Variants in MCF2L2 observed in about 807,000 individuals in gnomAD.
The protein encoded by MCF2L2 is probable guanine nucleotide exchange factor MCF2L2.
In MCF2L2, 102 loss-of-function variants were observed where a neutral mutation model predicts 150.2. The ratio of observed to expected loss-of-function variants is 0.68; its 90% CI spans 0.58 to 0.80. MCF2L2 has a LOEUF of 0.80. MCF2L2 is among the 30% of genes least tolerant of loss of function. MCF2L2 has a pLI of 0.00. For synonymous variants in MCF2L2, 465 were observed against 491.3 expected (o/e 0.95, Z 0.71); for missense variants, 1,256 against 1,372.8 (o/e 0.91, Z 1.34).
At chr3:183,382,757 A>T (rs747874100) in intron 2 of MCF2L2, among the ~76,000 whole-genome samples, 15 of 152,242 alleles carry the variant, frequency 9.9e-5, no homozygotes, top group Non-Finnish European at 2.2e-4. Flanking sequence ...CCTTTTCATT[A>T]AGTGAAAGAC....
In MCF2L2 at chr3:183,255,730, A is replaced by G. The variant is rs1398556856; in HGVS notation, c.1862+21142T>C. On this transcript the variant is annotated intron_variant, in intron 15 of 29. Coordinates refer to ENST00000328913, the MANE Select transcript of MCF2L2 (RefSeq NM_015078.4). ...AATAAAGTGCAGGCCCCATCAAGTAAAAAATGAAACATTGTATTTCATTAA... is the reference window on the plus strand; with the variant it reads ...AATAAAGTGCAGGCCCCATCAAGTAGAAAATGAAACATTGTATTTCATTAA... Among the ~76,000 whole-genome samples the G allele has an allele frequency of 2.6e-5, 4 of 152,204 alleles. No individual in the cohort carries two copies. The East Asian group carries it at 7.7e-4, about 29-fold the overall frequency.
At chr3:183,222,361 C>T (rs964668392) in intron 20 of MCF2L2, among the ~76,000 whole-genome samples, 1 of 152,096 alleles carries the variant, frequency 6.6e-6, no homozygotes, top group Non-Finnish European at 1.5e-5. Context: ...ACCAGCCTGG[C>T]CAACATGGTG....
At chr3:183,206,245 T>C in intron 23 of MCF2L2, 31 bp from the exon 24 acceptor site, 1 of 1,480,586 alleles carries the variant, frequency 6.8e-7, no homozygotes, top group Non-Finnish European at 9.5e-7. Context: ...AAATGTTCTA[T>C]ACCATCGTTT....
intron 15 of MCF2L2, 65 bp from the exon 16 acceptor site, chr3:183,231,082 A>G (rs1173115574): frequency 2.5e-6 from 3 of 1,219,198 alleles, no homozygotes; most frequent in Non-Finnish European, 3.6e-6. Flanking sequence ...ATGTTCTTTT[A>G]GAATTCTGTT....
intron 24 of MCF2L2, 53 bp downstream of exon 24, chr3:183,206,069 G>C: frequency 6.3e-7 from 1 of 1,575,506 alleles, no homozygotes; most frequent in Non-Finnish European, 8.7e-7. Flanking sequence ...CAAGTCATGG[G>C]AACACAATAA....
chr3:183,266,790 CT>C (rs113393313), intron 15 of MCF2L2, among the ~76,000 whole-genome samples: 369 of 143,320 alleles, frequency 2.6e-3, no homozygotes, highest in Admixed American at 2.7e-3. Context: ...GTGTTTCAGT[CT>C]TTTTTTTTTT....
chr3:183,243,625 T>C (rs1724126912), intron 15 of MCF2L2, among the ~76,000 whole-genome samples: 1 of 152,148 alleles, frequency 6.6e-6, no homozygotes, highest in African/African-American at 2.4e-5. Context: ...CCAACCAACT[T>C]CGTTATATTC....
chr3:183,182,449 C>G (rs1016610849), intron 27 of MCF2L2: 1 of 152,316 alleles, frequency 6.6e-6, no homozygotes, highest in African/African-American at 2.4e-5. Context: ...AGCATACACG[C>G]AGAAACACAT....
At chr3:183,228,511 T>G in intron 17 of MCF2L2, 145 bp from the exon 18 acceptor site, 1 of 554,308 alleles carries the variant, frequency 1.8e-6, no homozygotes, top group Non-Finnish European at 3.2e-6. Context: ...TACACATTGA[T>G]TCAGAAAAAA....
At position 183,407,438 on chromosome 3, in the gene MCF2L2, T is replaced by A. The variant is rs1024835771; in HGVS notation, c.77-17659A>T. Among the ~76,000 whole-genome samples the A allele has an allele frequency of 1.3e-5, 2 of 152,236 alleles. 1 individual carries two copies. The highest frequency in any genetic ancestry group is 4.8e-5 in the African/African-American group (2 of 41,462). On this transcript the variant is annotated intron_variant, in intron 1 of 29. Transcript: ENST00000328913. ...GTCGTGTTTAATTCATGGATCAATT[T>A]GGGAAGAATTGACATCTTGAGTCTT...
chr3:183,416,803 G>A (rs967790094), intron 1 of MCF2L2, among the ~76,000 whole-genome samples: 7 of 152,016 alleles, frequency 4.6e-5, no homozygotes, highest in African/African-American at 1.4e-4. Flanking sequence ...TATTGTATTA[G>A]GTATTATAAG....
At position 183,340,730 on chromosome 3, in the gene MCF2L2, G is replaced by T. The variant is rs189245314; in HGVS notation, c.366+810C>A. ...GGCTGAGGTGGGCAGATCACTTGAG[G>T]TCAGGAGTTCGAGACCAGCCTAGTC... On this transcript the variant is annotated intron_variant, in intron 4 of 29. Coordinates refer to ENST00000328913, the MANE Select transcript of MCF2L2 (RefSeq NM_015078.4). Among the ~76,000 whole-genome samples the T allele has an allele frequency of 2.1e-3, 318 of 152,164 alleles. 1 individual carries two copies. The highest frequency in any genetic ancestry group is 3.6e-3 in the Non-Finnish European group (247 of 67,998).
chr3:183,234,607 C>T (rs1314477450), intron 15 of MCF2L2, among the ~76,000 whole-genome samples: 4 of 151,108 alleles, frequency 2.6e-5, no homozygotes, highest in East Asian at 1.9e-4. Flanking sequence ...GCCCTCACAT[C>T]AGTGTTAGGC....
chr3:183,289,275 CACTT>C, intron 13 of MCF2L2, 55 bp from the exon 14 acceptor site: 1 of 1,220,944 alleles, frequency 8.2e-7, no homozygotes, highest in Non-Finnish European at 1.2e-6. Context: ...TAACTCAGTG[CACTT>C]TGTCTGATTT....
intron 6 of MCF2L2, among the ~76,000 whole-genome samples, chr3:183,322,426 G>A (rs144695216): frequency 3.4e-4 from 52 of 152,190 alleles, no homozygotes; most frequent in African/African-American, 1.2e-3. Flanking sequence ...AGTCCCTGAC[G>A]ACCCACCAGA....
rs150033959 is a variant in MCF2L2 at position 183,179,639 on chromosome 3, A to G, written c.3159T>C (p.Ser1053=). 1.2e-6 allele frequency: 2 copies of G among 1,614,062 alleles called. No individual in the cohort carries two copies. The highest frequency in any genetic ancestry group is 2.7e-5 in the African/African-American group (2 of 75,012). The change falls in exon 29 of 30, where the codon TCT becomes TCC. Residue 1053 remains serine, a synonymous_variant. Transcript: ENST00000328913. The surrounding 1 kb of genome is among the most constrained non-coding windows in gnomAD (Gnocchi z 4.2). ...DDSHETCSSK[S]AFLERGESSQ... is the part of the protein sequence containing the mutation. ...TGCTTTCTCCCCTCTCCAGGAAAGC[A>G]GATTTGGAGGAACAGGTTTCGTGAC...
intron 21 of MCF2L2, among the ~76,000 whole-genome samples, chr3:183,216,978 T>C (rs1415688600): frequency 6.6e-6 from 1 of 150,788 alleles, no homozygotes; most frequent in African/African-American, 2.5e-5. Flanking sequence ...TATACCCCTA[T>C]TCCCTGGGGC....
At chr3:183,401,640 G>A (rs564183642) in intron 1 of MCF2L2, among the ~76,000 whole-genome samples, 1 of 152,182 alleles carries the variant, frequency 6.6e-6, no homozygotes, top group South Asian at 2.1e-4. Flanking sequence ...GACTTTTTTC[G>A]ATAGAGACTA....
chr3:183,202,008 T>C (rs1007096631), intron 25 of MCF2L2, among the ~76,000 whole-genome samples: 2 of 152,222 alleles, frequency 1.3e-5, no homozygotes, highest in Admixed American at 6.5e-5. Context: ...CTTGCCCTAT[T>C]TCTATCCTCC....
Sources: allele counts gnomAD v4.1 joint callset (sites outside exome capture counted in the v4.1 genomes callset), GRCh38; gene constraint gnomAD v4.1.1; non-coding constraint Gnocchi (gnomAD v3.1); transcripts MANE v1.5; gene names NCBI Gene and HGNC (gene_info 2026-07-23, HGNC 2026-07-21).